SIK3: variants seen among roughly 807,000 people sequenced by gnomAD.
SIK3 encodes serine/threonine-protein kinase SIK3.
A neutral mutation model predicts 144.2 loss-of-function variants in SIK3; 28 were observed. That is an observed-to-expected ratio of 0.19 (90% confidence interval 0.14 to 0.27). SIK3 has a LOEUF of 0.27. Among genes scored for constraint, SIK3 ranks in the 10% least tolerant of loss-of-function variants. The pLI is 1.00. For missense variants in SIK3, 1,319 were observed against 1,776.0 expected (o/e 0.74, Z 4.62); for synonymous variants, 686 against 676.3 (o/e 1.01, Z -0.22).
At chr11:117,074,242 A>G (rs537651640) in intron 1 of SIK3, among the ~76,000 whole-genome samples, 2 of 152,176 alleles carry the variant, frequency 1.3e-5, no homozygotes, top group African/African-American at 4.8e-5. Context: ...ACTTACTCCT[A>G]GCAAACAGGA....
chr11:116,968,767 A>G (rs1463986987), intron 1 of SIK3, among the ~76,000 whole-genome samples: 1 of 152,206 alleles, frequency 6.6e-6, no homozygotes, highest in Admixed American at 6.5e-5. Context: ...TGTAAAGGAA[A>G]TTGTCGTAAC....
intron 1 of SIK3, among the ~76,000 whole-genome samples, chr11:117,016,431 G>GGAAGGAAC (rs1951543783): frequency 1.3e-5 from 2 of 150,144 alleles, no homozygotes; most frequent in African/African-American, 4.9e-5. Flanking sequence ...AAGGAAGGAA[G>GGAAGGAAC]GAAGGAAGGA....
intron 1 of SIK3, among the ~76,000 whole-genome samples, chr11:116,959,822 G>A (rs528720213): frequency 2.2e-4 from 33 of 152,226 alleles, no homozygotes; most frequent in African/African-American, 7.7e-4. Context: ...TTATTGGGAC[G>A]TAACCCATCA....
intron 1 of SIK3, among the ~76,000 whole-genome samples, chr11:117,080,477 T>G (rs146191925): frequency 2.0e-5 from 3 of 152,306 alleles, no homozygotes; most frequent in East Asian, 1.9e-4. Flanking sequence ...ACATAACTTT[T>G]GAGACGTTGA....
chr11:117,037,068 T>C (rs1304913156), intron 1 of SIK3, among the ~76,000 whole-genome samples: 1 of 152,196 alleles, frequency 6.6e-6, no homozygotes, highest in Admixed American at 6.5e-5. Context: ...AGCCTAAGAA[T>C]ATTGGGGGCT....
At chr11:116,893,396 A>T (rs1945232523) in intron 6 of SIK3, among the ~76,000 whole-genome samples, 1 of 152,044 alleles carries the variant, frequency 6.6e-6, no homozygotes, top group African/African-American at 2.4e-5. Flanking sequence ...CTCTAAAGAG[A>T]CAGGGCACAG....
chr11:116,979,930 C>A (rs770136406), intron 1 of SIK3, among the ~76,000 whole-genome samples: 17 of 152,168 alleles, frequency 1.1e-4, no homozygotes, highest in Non-Finnish European at 2.1e-4. Context: ...TCCACTAGAT[C>A]AGACAGATGT....
chr11:117,054,262 A>C (rs723953), intron 1 of SIK3, among the ~76,000 whole-genome samples: 33,715 of 152,144 alleles, frequency 0.22, 4,283 homozygotes, highest in African/African-American at 0.35. Context: ...ACAACCCTCT[A>C]AGCAAAAAGA....
chr11:116,946,887 G>A (rs1020778680), intron 3 of SIK3, among the ~76,000 whole-genome samples: 14 of 151,918 alleles, frequency 9.2e-5, no homozygotes, highest in African/African-American at 2.7e-4. Flanking sequence ...AGGCTGAGGC[G>A]GGCAGATCAC....
At chr11:116,947,628 C>A (rs537075608) in intron 3 of SIK3, among the ~76,000 whole-genome samples, 73 of 148,998 alleles carry the variant, frequency 4.9e-4, no homozygotes, top group Admixed American at 1.3e-3. Context: ...TGCAGTGGCA[C>A]GATCTCGGCT....
intron 4 of SIK3, among the ~76,000 whole-genome samples, chr11:116,900,346 TCTACCACTGC>T (rs2134817872): frequency 6.6e-6 from 1 of 152,324 alleles, no homozygotes; most frequent in Non-Finnish European, 1.5e-5. Flanking sequence ...TATTTCCATT[TCTACCACTGC>T]AGTTCATACT....
chr11:116,873,534 G>GGGC lies in SIK3; in HGVS notation c.1681_1683dup (p.Ala561dup). On this transcript the variant is annotated inframe_insertion, in exon 13 of 25. Coordinates refer to ENST00000445177, the MANE Select transcript of SIK3 (RefSeq NM_001366686.3). ...CCCCGTGGGCGCTTCAGCAGCTGCT[G>GGGC]GGCATGCAGTTGGATGTTGGCTCCT... The GGGC allele has an allele frequency of 6.2e-7, 1 of 1,613,312 alleles. No homozygotes were observed. The highest frequency in any genetic ancestry group is 8.5e-7 in the Non-Finnish European group (1 of 1,179,728).
intron 4 of SIK3, among the ~76,000 whole-genome samples, chr11:116,908,997 T>G (rs923143817): frequency 6.6e-6 from 1 of 152,156 alleles, no homozygotes; most frequent in Non-Finnish European, 1.5e-5. Context: ...CTGAAAGCAA[T>G]AGGGGCTTCT....
intron 1 of SIK3, among the ~76,000 whole-genome samples, chr11:117,020,331 G>GT (rs1388540032): frequency 7.5e-5 from 11 of 147,278 alleles, no homozygotes; most frequent in African/African-American, 2.8e-4. Flanking sequence ...TTAAAATACT[G>GT]TATTCGGCCT....
chr11:116,876,305 T>C lies in SIK3; in HGVS notation c.1043A>G (p.Asp348Gly). Residue 348 changes from aspartate (D) to glycine (G), a missense_variant, in exon 8 of 25, where the codon GAT becomes GGT. Transcript: ENST00000445177. ...CATGTCCTCCATGGCCAAGAGGACATCCTCATTCAGGGGGTCCACCTGTCT... is the reference window on the plus strand; with the variant it reads ...CATGTCCTCCATGGCCAAGAGGACACCCTCATTCAGGGGGTCCACCTGTCT... ...EERQVDPLNE[D>G]VLLAMEDMGL... 1 of 1,614,232 alleles carries C rather than the reference T, an allele frequency of 6.2e-7. No individual in the cohort carries two copies.
intron 1 of SIK3, among the ~76,000 whole-genome samples, chr11:117,050,587 T>C (rs184687945): frequency 6.6e-6 from 1 of 150,470 alleles, no homozygotes; most frequent in East Asian, 2.0e-4. Flanking sequence ...TCAGGAGGCT[T>C]GAGGCAGGAG....
intron 22 of SIK3, among the ~76,000 whole-genome samples, chr11:116,848,713 C>G (rs1942190641): frequency 6.6e-6 from 1 of 152,156 alleles, no homozygotes; most frequent in African/African-American, 2.4e-5. Context: ...TAGGGTGACT[C>G]AAAGAAAATG....
intron 1 of SIK3, among the ~76,000 whole-genome samples, chr11:117,038,987 C>T (rs1160233833): frequency 6.6e-6 from 1 of 151,906 alleles, no homozygotes; most frequent in African/African-American, 2.4e-5. Context: ...GAGGCGGAGG[C>T]TGCAGGGAGC....
intron 4 of SIK3, among the ~76,000 whole-genome samples, chr11:116,918,669 C>T (rs553612952): frequency 6.6e-6 from 1 of 152,276 alleles, no homozygotes; most frequent in East Asian, 1.9e-4. Context: ...GTTTACACAG[C>T]CTCAGGTGTT....
Sources: gnomAD v4.1 joint callset for allele counts (sites outside exome capture counted in the v4.1 genomes callset) on GRCh38, gnomAD v4.1.1 for gene constraint, MANE v1.5 for transcripts, NCBI Gene and HGNC (gene_info 2026-07-23, HGNC 2026-07-21) for gene names.